MECR: variants seen among roughly 807,000 people sequenced by gnomAD.
The protein encoded by MECR is enoyl-[acyl-carrier-protein] reductase, mitochondrial.
Under a neutral mutation model 49.1 loss-of-function variants are expected in MECR, and 37 were observed. The observed-to-expected ratio is 0.75, with a 90% CI of 0.58 to 0.99. MECR has a LOEUF of 0.99. MECR is among the 50% of genes least tolerant of loss of function. MECR has a pLI of 0.00. For missense variants in MECR, 470 were observed against 479.6 expected (o/e 0.98, Z 0.19); for synonymous variants, 198 against 191.1 (o/e 1.04, Z -0.30).
the MECR span, chr1:29,171,123 C>A: frequency 6.6e-6 from 1 of 152,142 alleles, no homozygotes; most frequent in African/African-American, 2.4e-5. Context: ...TGTACAAATC[C>A]TTCCTCAGCC....
chr1:29,188,634 T>C (rs1467862736), downstream of MECR, among the ~76,000 whole-genome samples: 1 of 147,692 alleles, frequency 6.8e-6, no homozygotes, highest in Non-Finnish European at 1.5e-5. Context: ...TTTTAGCAGG[T>C]AATGCCTATT....
downstream of MECR, among the ~76,000 whole-genome samples, chr1:29,190,898 A>T (rs1483239928): frequency 6.6e-6 from 1 of 152,052 alleles, no homozygotes; most frequent in East Asian, 1.9e-4. Context: ...CAAGGGATGC[A>T]GAGAAACAGT....
the MECR span, among the ~76,000 whole-genome samples, chr1:29,180,411 C>T: frequency 6.6e-6 from 1 of 152,202 alleles, no homozygotes; most frequent in African/African-American, 2.4e-5. Context: ...AAGACGTCCT[C>T]AGAAAGAAAA....
At chr1:29,211,288 T>G (rs1677963588) in intron 3 of MECR, among the ~76,000 whole-genome samples, 1 of 152,186 alleles carries the variant, frequency 6.6e-6, no homozygotes, top group Non-Finnish European at 1.5e-5. Context: ...AGGCCATTCT[T>G]GAACTCTTGG....
intron 3 of MECR, among the ~76,000 whole-genome samples, chr1:29,215,403 C>A (rs1679124328): frequency 1.3e-5 from 2 of 152,014 alleles, no homozygotes; most frequent in South Asian, 2.1e-4. Flanking sequence ...CATGATAAAA[C>A]CCCCTCTTTA....
At position 29,206,804 on chromosome 1, in the gene MECR, T is replaced by C. The variant is rs1676703093; in HGVS notation, c.508A>G (p.Thr170Ala). Residue 170 changes from threonine to alanine, a missense_variant, in exon 4 of 10, where the codon ACA becomes GCA. Transcript: ENST00000263702. ...SAATLGVNPC[T>A]AYRMLMDFEQ... ...AAGTCCATCAACATCCTGTAGGCTGTGCAGGGATTGACACCCAGGGTGGCA... is the reference window on the plus strand; with the variant it reads ...AAGTCCATCAACATCCTGTAGGCTGCGCAGGGATTGACACCCAGGGTGGCA... 1.9e-6 allele frequency: 3 copies of C among 1,614,076 alleles called. No homozygotes were observed. Among genetic ancestry groups the C allele is most frequent in the African/African-American group, 1.3e-5 (1 of 74,932 alleles).
At chr1:29,212,231 C>T (rs747261379) in intron 3 of MECR, among the ~76,000 whole-genome samples, 1 of 152,120 alleles carries the variant, frequency 6.6e-6, no homozygotes, top group Non-Finnish European at 1.5e-5. Flanking sequence ...CCAGCCTGGC[C>T]AACAAGACGA....
At chr1:29,228,229 A>G (rs955494841) in intron 1 of MECR, among the ~76,000 whole-genome samples, 2 of 151,644 alleles carry the variant, frequency 1.3e-5, no homozygotes, top group Non-Finnish European at 2.9e-5. Flanking sequence ...AAATAAATAA[A>G]TAAATATATA....
chr1:29,205,025 T>C (rs1676234502), intron 4 of MECR, among the ~76,000 whole-genome samples: 1 of 152,250 alleles, frequency 6.6e-6, no homozygotes, highest in Non-Finnish European at 1.5e-5. Flanking sequence ...GGGTGAGTTC[T>C]ACAGCCACTG....
chr1:29,174,884 G>C, the MECR span, among the ~76,000 whole-genome samples: 1 of 151,250 alleles, frequency 6.6e-6, no homozygotes, highest in East Asian at 2.0e-4. Context: ...ATGTTGGCCA[G>C]GATGGTCTCA....
chr1:29,205,819 T>C (rs890940952), intron 4 of MECR, among the ~76,000 whole-genome samples: 1 of 151,828 alleles, frequency 6.6e-6, no homozygotes, highest in African/African-American at 2.4e-5. Flanking sequence ...AGCACGACTG[T>C]CTCAAAAAAA....
At chr1:29,225,197 C>T (rs1681751973) in intron 1 of MECR, among the ~76,000 whole-genome samples, 1 of 152,194 alleles carries the variant, frequency 6.6e-6, no homozygotes, top group African/African-American at 2.4e-5. Context: ...CCCCTCTGAG[C>T]TGGTTTCAGC....
At chr1:29,218,057 C>T (rs1056263978) in intron 1 of MECR, among the ~76,000 whole-genome samples, 1 of 151,526 alleles carries the variant, frequency 6.6e-6, no homozygotes, top group Non-Finnish European at 1.5e-5. Flanking sequence ...TGGTTTGGAC[C>T]TGATCCCCTC....
At chr1:29,228,770 T>C (rs1682749419) in intron 1 of MECR, 1 of 152,168 alleles carries the variant, frequency 6.6e-6, no homozygotes, top group Admixed American at 6.5e-5. Flanking sequence ...AGGAGGCAAC[T>C]GCATTCAGCT....
chr1:29,203,287 CA>C (rs1675783532), intron 4 of MECR, 54 bp from the exon 5 acceptor site: 7 of 1,379,000 alleles, frequency 5.1e-6, no homozygotes, highest in Middle Eastern at 1.8e-4. Context: ...TGCAATAGGT[CA>C]AAGGCTCCCA....
At chr1:29,181,828 G>T in the MECR span, 1 of 1,267,912 alleles carries the variant, frequency 7.9e-7, no homozygotes, top group South Asian at 1.9e-5. Context: ...GAGCACGGCG[G>T]CAGCGGCGGC....
Position 29,196,029 on chromosome 1 carries a change from G to A in MECR, c.892-16C>T. On this transcript the variant is annotated splice_polypyrimidine_tract_variant and intron_variant, in intron 8 of 9. Coordinates refer to ENST00000263702, the MANE Select transcript of MECR (RefSeq NM_016011.5). The stretch of plus-strand genomic sequence containing the variant: ...TGAGCAGGCTCTGCAGACACAGGAA[G>A]GACATGCTGGGCTCTGAGGGCAAGA... The A allele has an allele frequency of 6.2e-7, 1 of 1,614,066 alleles. No individual in the cohort carries two copies.
chr1:29,222,399 T>A (rs534997991), intron 1 of MECR, among the ~76,000 whole-genome samples: 79 of 152,222 alleles, frequency 5.2e-4, no homozygotes, highest in Non-Finnish European at 4.3e-4. Flanking sequence ...ACCTGGCTGT[T>A]AGGTATTTCC....
At chr1:29,221,961 A>G (rs1294746956) in intron 1 of MECR, among the ~76,000 whole-genome samples, 1 of 152,162 alleles carries the variant, frequency 6.6e-6, no homozygotes. Context: ...ATGGAAAGGA[A>G]ACTGAGGCTC....
Sources: allele counts gnomAD v4.1 joint callset (sites outside exome capture counted in the v4.1 genomes callset), GRCh38; gene constraint gnomAD v4.1.1; transcripts MANE v1.5; gene names NCBI Gene and HGNC (gene_info 2026-07-23, HGNC 2026-07-21).